Variants in FANCL observed in about 807,000 individuals in gnomAD.
FANCL encodes the protein E3 ubiquitin-protein ligase FANCL.
In FANCL, 69 loss-of-function variants were observed where a neutral mutation model predicts 59.4. The ratio of observed to expected loss-of-function variants is 1.16; its 90% CI spans 0.96 to 1.42. The LOEUF is 1.42. FANCL is among the 40% of genes most tolerant of loss of function. FANCL has a pLI of 0.00. For synonymous variants in FANCL, 180 were observed against 147.1 expected (o/e 1.22, Z -1.62); for missense variants, 519 against 447.2 (o/e 1.16, Z -1.45).
At chr2:58,201,517 A>T in intron 6 of FANCL, among the ~76,000 whole-genome samples, 1 of 152,010 alleles carries the variant, frequency 6.6e-6, no homozygotes, top group East Asian at 1.9e-4. Context: ...GCTGATCCCC[A>T]AGTAAATACA....
intron 1 of FANCL, among the ~76,000 whole-genome samples, chr2:58,234,975 T>G (rs538648770): frequency 6.6e-6 from 1 of 151,930 alleles, no homozygotes; most frequent in African/African-American, 2.4e-5. Flanking sequence ...ATCCTTGAAA[T>G]AAGGGAAACA....
chr2:58,205,209 T>C (rs1690467047), intron 5 of FANCL, among the ~76,000 whole-genome samples: 1 of 152,078 alleles, frequency 6.6e-6, no homozygotes, highest in East Asian at 1.9e-4. Flanking sequence ...GACCAGGTAC[T>C]ATATAATGAT....
chr2:58,170,412 G>C (rs1333903142), intron 7 of FANCL, among the ~76,000 whole-genome samples: 1 of 152,092 alleles, frequency 6.6e-6, no homozygotes, highest in Admixed American at 6.6e-5. Context: ...GGAAAAACCA[G>C]TACCAGCCAC....
intron 7 of FANCL, among the ~76,000 whole-genome samples, chr2:58,175,525 G>C (rs1408901127): frequency 6.6e-5 from 10 of 151,998 alleles, no homozygotes; most frequent in Non-Finnish European, 1.2e-4. Context: ...CAGAACCAAA[G>C]ACAAAAACCA....
At chr2:58,224,556 A>G (rs1381665261) in intron 4 of FANCL, among the ~76,000 whole-genome samples, 2 of 151,858 alleles carry the variant, frequency 1.3e-5, no homozygotes, top group African/African-American at 4.8e-5. Context: ...TTAAAAAAGG[A>G]CTCCAGAAAA....
intron 7 of FANCL, among the ~76,000 whole-genome samples, chr2:58,181,017 G>T (rs549118784): frequency 6.6e-6 from 1 of 151,966 alleles, no homozygotes; most frequent in East Asian, 1.9e-4. Context: ...ATTTCTTTAA[G>T]AACTAAATAT....
chr2:58,218,944 TG>T (rs993472894), intron 5 of FANCL, among the ~76,000 whole-genome samples: 5 of 150,668 alleles, frequency 3.3e-5, no homozygotes, highest in South Asian at 2.1e-4. Flanking sequence ...TAAACACATT[TG>T]TTTTCCATTT....
intron 1 of FANCL, among the ~76,000 whole-genome samples, chr2:58,235,319 G>A (rs1192673053): frequency 6.6e-6 from 1 of 152,054 alleles, no homozygotes; most frequent in African/African-American, 2.4e-5. Flanking sequence ...CAATCTCAAA[G>A]TTCATACAAG....
At position 58,217,183 on chromosome 2, in the gene FANCL, T is replaced by C. The variant is rs1368748205; in HGVS notation, c.374+4759A>G. Among the ~76,000 whole-genome samples the C allele has an allele frequency of 4.8e-3, 23 of 4,812 alleles. 1 individual carries two copies. The highest frequency in any genetic ancestry group is 0.034 in the African/African-American group (22 of 642). 3.2% of individuals were successfully genotyped at this position (4,812 alleles called of 152,430 possible). ...TATATATTTTATATATATATATATA[T>C]ATATATATATATATATATATATATA... On this transcript the variant is annotated intron_variant, in intron 5 of 13. Coordinates refer to ENST00000233741, the MANE Select transcript of FANCL (RefSeq NM_018062.4).
At chr2:58,179,066 C>G (rs966673010) in intron 7 of FANCL, among the ~76,000 whole-genome samples, 1 of 152,084 alleles carries the variant, frequency 6.6e-6, no homozygotes, top group Non-Finnish European at 1.5e-5. Context: ...CAAACCACTG[C>G]TCAAGGAAAT....
intron 5 of FANCL, among the ~76,000 whole-genome samples, chr2:58,217,189 TATATATATATATATATATATATATATAC>T (rs1253495753): frequency 9.4e-4 from 4 of 4,246 alleles, no homozygotes; most frequent in East Asian, 2.5e-3. Flanking sequence ...TATATATATA[TATATATATATATATATATATATATATAC>T]ACACACACAC....
chr2:58,220,131 T>C (rs1366634271), intron 5 of FANCL, among the ~76,000 whole-genome samples: 2 of 152,248 alleles, frequency 1.3e-5, no homozygotes, highest in Non-Finnish European at 2.9e-5. Flanking sequence ...ATCGCGATTT[T>C]AGTAAGGTTT....
chr2:58,229,451 T>C (rs1421176449), intron 3 of FANCL, among the ~76,000 whole-genome samples: 2 of 152,200 alleles, frequency 1.3e-5, no homozygotes, highest in Admixed American at 1.3e-4. Flanking sequence ...GTTGCTAATC[T>C]AGGACTAAAA....
intron 7 of FANCL, among the ~76,000 whole-genome samples, chr2:58,177,423 C>T (rs1193888822): frequency 4.6e-5 from 7 of 152,050 alleles, no homozygotes; most frequent in Non-Finnish European, 5.9e-5. Flanking sequence ...AAACGTGGCA[C>T]ATATACACCA....
At chr2:58,227,528 C>T (rs555523824) in intron 3 of FANCL, among the ~76,000 whole-genome samples, 2 of 152,176 alleles carry the variant, frequency 1.3e-5, no homozygotes, top group Non-Finnish European at 2.9e-5. Flanking sequence ...TCGAACTCCA[C>T]GTCATTCTGC....
chr2:58,206,255 A>G (rs983059246), intron 5 of FANCL, among the ~76,000 whole-genome samples: 3 of 152,178 alleles, frequency 2.0e-5, no homozygotes, highest in Non-Finnish European at 4.4e-5. Flanking sequence ...GAAATAATAC[A>G]TTAGCTAAAT....
chr2:58,200,399 C>T (rs1689878790), intron 6 of FANCL, among the ~76,000 whole-genome samples: 1 of 152,018 alleles, frequency 6.6e-6, no homozygotes, highest in Non-Finnish European at 1.5e-5. Context: ...GTTACAAAAT[C>T]TCTTTTCCTT....
At chr2:58,191,585 AT>A (rs1174565350) in intron 7 of FANCL, among the ~76,000 whole-genome samples, 1 of 151,826 alleles carries the variant, frequency 6.6e-6, no homozygotes, top group Non-Finnish European at 1.5e-5. Context: ...TCCCTATTTC[AT>A]TTTTGAGCAT....
At position 58,241,317 on chromosome 2, in the gene FANCL, T is replaced by C. The variant is rs986659717; in HGVS notation, c.-4A>G. 48 of 1,613,966 alleles carry C rather than the reference T, an allele frequency of 3.0e-5. No individual in the cohort carries two copies. The highest frequency in any genetic ancestry group is 3.9e-5 in the Non-Finnish European group (46 of 1,179,948). On this transcript the variant is annotated 5_prime_UTR_variant, in exon 1 of 14. Transcript: ENST00000233741. ...GGCTCGCTTCCGTCACCGCCATGGC[T>C]CGAAGTCCGGAGAAACACAGAAAAG...
Sources: gnomAD v4.1 joint callset for allele counts (sites outside exome capture counted in the v4.1 genomes callset) on GRCh38, gnomAD v4.1.1 for gene constraint, MANE v1.5 for transcripts, NCBI Gene and HGNC (gene_info 2026-07-23, HGNC 2026-07-21) for gene names.